Variants in PCDH9 observed in about 807,000 individuals in gnomAD.
The protein encoded by PCDH9 is protocadherin-9.
Under a neutral mutation model 70.6 loss-of-function variants are expected in PCDH9, and 24 were observed. The ratio of observed to expected loss-of-function variants is 0.34; its 90% CI spans 0.25 to 0.48. The LOEUF is 0.48. Ranked by LOEUF, PCDH9 falls within the 20% of genes least tolerant of loss-of-function variation. The pLI is 0.99. For synonymous variants in PCDH9, 562 were observed against 558.5 expected (o/e 1.01, Z -0.09); for missense variants, 1,281 against 1,503.6 (o/e 0.85, Z 2.45).
chr13:66,932,659 CATATATAT>C (rs199791250), intron 2 of PCDH9, among the ~76,000 whole-genome samples: 8 of 130,358 alleles, frequency 6.1e-5, no homozygotes, highest in African/African-American at 2.3e-4. Flanking sequence ...TAAATCCTCA[CATATATAT>C]ATATATATAT....
At chr13:66,809,445 T>C (rs1424963579) in intron 3 of PCDH9, among the ~76,000 whole-genome samples, 1 of 152,182 alleles carries the variant, frequency 6.6e-6, no homozygotes, top group African/African-American at 2.4e-5. Context: ...CTCTGCAATA[T>C]ATAACATTGC....
At chr13:67,092,287 C>G (rs2086233339) in intron 2 of PCDH9, among the ~76,000 whole-genome samples, 1 of 152,138 alleles carries the variant, frequency 6.6e-6, no homozygotes, top group Non-Finnish European at 1.5e-5. Flanking sequence ...ATTTCAATCT[C>G]TATCCCTGGC....
At chr13:66,828,210 A>G (rs893617914) in intron 3 of PCDH9, among the ~76,000 whole-genome samples, 1 of 152,194 alleles carries the variant, frequency 6.6e-6, no homozygotes, top group Non-Finnish European at 1.5e-5. Flanking sequence ...AGTGAAAATC[A>G]GTAACCTCAC....
chr13:66,512,521 G>C (rs1273694642), intron 4 of PCDH9, among the ~76,000 whole-genome samples: 1 of 152,038 alleles, frequency 6.6e-6, no homozygotes, highest in Non-Finnish European at 1.5e-5. Context: ...CTGGCTTTCT[G>C]TAGTCCTGAA....
chr13:66,681,014 C>A (rs955280010), intron 3 of PCDH9, among the ~76,000 whole-genome samples: 1 of 151,828 alleles, frequency 6.6e-6, no homozygotes, highest in African/African-American at 2.4e-5. Context: ...ATATAACTAC[C>A]CTTATTCAAA....
At chr13:66,643,302 C>G (rs1247830576) in intron 3 of PCDH9, among the ~76,000 whole-genome samples, 1 of 152,018 alleles carries the variant, frequency 6.6e-6, no homozygotes, top group Admixed American at 6.6e-5. Flanking sequence ...AACAGAGAAA[C>G]TAACCCAGTT....
At chr13:67,156,674 G>A (rs2087822168) in intron 2 of PCDH9, among the ~76,000 whole-genome samples, 1 of 152,202 alleles carries the variant, frequency 6.6e-6, no homozygotes, top group African/African-American at 2.4e-5. Flanking sequence ...GAAACCCCGG[G>A]ATACAGAAAG....
chr13:66,991,285 AT>A (rs911371752), intron 2 of PCDH9, among the ~76,000 whole-genome samples: 290 of 149,812 alleles, frequency 1.9e-3, no homozygotes, highest in African/African-American at 5.9e-3. Flanking sequence ...GATGAGACAC[AT>A]TTTTTTTTTC....
In PCDH9 at chr13:66,750,095, G is replaced by GCA. The variant is rs144359101; in HGVS notation, c.3139-118686_3139-118685dup. ...CTCTCTCACACACACACGTGCATGT[G>GCA]CACACACACACACAATAAAAAAATG... On this transcript the variant is annotated intron_variant, in intron 3 of 4. Transcript: ENST00000377865. Among the ~76,000 whole-genome samples, 483 of 151,560 alleles carry GCA rather than the reference G, an allele frequency of 3.2e-3. 1 individual carries two copies. Among genetic ancestry groups the GCA allele is most frequent in the Admixed American group, 4.7e-3 (72 of 15,186 alleles).
At chr13:66,572,676 A>G (rs557195140) in intron 4 of PCDH9, among the ~76,000 whole-genome samples, 1 of 152,254 alleles carries the variant, frequency 6.6e-6, no homozygotes, top group Non-Finnish European at 1.5e-5. Context: ...TAAACATGGG[A>G]GTGCAGATCT....
intron 3 of PCDH9, among the ~76,000 whole-genome samples, chr13:66,871,434 A>C (rs1566255499): frequency 6.6e-6 from 1 of 151,638 alleles, no homozygotes. Flanking sequence ...TAAAATTAAA[A>C]AAAATCAAAG....
chr13:66,328,026 TAAATA>T (rs1476084284), intron 4 of PCDH9, among the ~76,000 whole-genome samples: 1 of 152,162 alleles, frequency 6.6e-6, no homozygotes, highest in African/African-American at 2.4e-5. Flanking sequence ...GTTGAAAACA[TAAATA>T]AAATATCACT....
At chr13:66,403,970 G>T (rs1306270942) in intron 4 of PCDH9, among the ~76,000 whole-genome samples, 1 of 152,090 alleles carries the variant, frequency 6.6e-6, no homozygotes, top group African/African-American at 2.4e-5. Flanking sequence ...GAGAACAATT[G>T]ATTGGAGAAA....
chr13:66,791,029 T>G (rs1280391268), intron 3 of PCDH9, among the ~76,000 whole-genome samples: 2 of 152,124 alleles, frequency 1.3e-5, no homozygotes, highest in African/African-American at 4.8e-5. Context: ...ATTCTCTAGC[T>G]CTAAGCCTTT....
At chr13:67,174,072 AT>A (rs2088372723) in intron 2 of PCDH9, among the ~76,000 whole-genome samples, 1 of 152,018 alleles carries the variant, frequency 6.6e-6, no homozygotes, top group African/African-American at 2.4e-5. Flanking sequence ...AAGCATCTTT[AT>A]TTTTTCATAG....
intron 4 of PCDH9, among the ~76,000 whole-genome samples, chr13:66,402,387 A>T (rs1388441464): frequency 6.6e-6 from 1 of 152,100 alleles, no homozygotes; most frequent in Non-Finnish European, 1.5e-5. Context: ...CTGAACTTAA[A>T]AGCTTGCATA....
chr13:66,678,610 A>G (rs993548747), intron 3 of PCDH9, among the ~76,000 whole-genome samples: 1 of 152,000 alleles, frequency 6.6e-6, no homozygotes, highest in African/African-American at 2.4e-5. Context: ...ATTTTGGGGG[A>G]CCAGGCACTG....
At chr13:67,113,876 A>G (rs1037946539) in intron 2 of PCDH9, among the ~76,000 whole-genome samples, 4 of 152,178 alleles carry the variant, frequency 2.6e-5, no homozygotes, top group Admixed American at 6.5e-5. Flanking sequence ...GAGAAATGCA[A>G]TCACTGAGGT....
chr13:67,084,044 T>C (rs1215722244), intron 2 of PCDH9, among the ~76,000 whole-genome samples: 3 of 151,836 alleles, frequency 2.0e-5, no homozygotes, highest in Non-Finnish European at 4.4e-5. Context: ...AAACCTTGAG[T>C]TTCTTCAAGG....
Sources: gnomAD v4.1 joint callset for allele counts (sites outside exome capture counted in the v4.1 genomes callset) on GRCh38, gnomAD v4.1.1 for gene constraint, MANE v1.5 for transcripts, NCBI Gene and HGNC (gene_info 2026-07-23, HGNC 2026-07-21) for gene names.